RBFOX1: variants seen among roughly 807,000 people sequenced by gnomAD.
RBFOX1 encodes the protein RNA binding fox-1 homolog 1, also known as RNA binding protein fox-1 homolog 1.
RBFOX1 carries 8 observed loss-of-function variants against 57.7 expected under a neutral mutation model. That is an observed-to-expected ratio of 0.14 (90% CI 0.08 to 0.25). The LOEUF (loss-of-function observed/expected upper bound fraction) is 0.25, where lower values mean the gene tolerates loss of function less well. Among genes scored for constraint, RBFOX1 ranks in the 10% least tolerant of loss-of-function variants. The probability of loss-of-function intolerance (pLI) is 1.00; values close to 1 mark genes in which losing one functional copy is unlikely to be tolerated. For synonymous variants in RBFOX1, 326 were observed against 222.4 expected (o/e 1.47, Z -4.15); for missense variants, 611 against 548.5 (o/e 1.11, Z -1.14).
intron 3 of RBFOX1, among the ~76,000 whole-genome samples, chr16:5,645,989 C>T (rs1192963641): frequency 2.0e-5 from 3 of 152,084 alleles, no homozygotes; most frequent in African/African-American, 4.8e-5. Context: ...GCAAGTACTA[C>T]CGCACCTGGC....
chr16:6,914,790 AAAC>A (rs953010911), intron 3 of RBFOX1, among the ~76,000 whole-genome samples: 2 of 152,156 alleles, frequency 1.3e-5, no homozygotes, highest in African/African-American at 4.8e-5. Flanking sequence ...AAGGAGGCAG[AAAC>A]AACAAGATCG....
intron 14 of RBFOX1, among the ~76,000 whole-genome samples, chr16:7,679,685 A>G (rs1223116033): frequency 6.6e-6 from 1 of 152,014 alleles, no homozygotes; most frequent in African/African-American, 2.4e-5. Flanking sequence ...CAGTAACCTC[A>G]GGACTGTCCA....
At chr16:7,497,875 C>T (rs2069214651) in intron 4 of RBFOX1, among the ~76,000 whole-genome samples, 1 of 152,216 alleles carries the variant, frequency 6.6e-6, no homozygotes. Flanking sequence ...CAGCGAATGT[C>T]TGAGCTCTGT....
intron 2 of RBFOX1, among the ~76,000 whole-genome samples, chr16:6,654,096 A>C (rs1049420250): frequency 7.8e-6 from 1 of 128,610 alleles, no homozygotes; most frequent in Non-Finnish European, 1.8e-5. Flanking sequence ...ATCAATGGGC[A>C]TGGCTGTTTG....
At chr16:5,344,899 A>G (rs2065107552) in intron 1 of RBFOX1, among the ~76,000 whole-genome samples, 1 of 152,172 alleles carries the variant, frequency 6.6e-6, no homozygotes, top group Non-Finnish European at 1.5e-5. Flanking sequence ...CTCCAAATTC[A>G]TGTTTTTGCC....
At chr16:7,101,875 G>C (rs1225282672) in intron 4 of RBFOX1, among the ~76,000 whole-genome samples, 1 of 152,130 alleles carries the variant, frequency 6.6e-6, no homozygotes, top group Middle Eastern at 3.2e-3. Context: ...GGATTGTACA[G>C]TTGGTAAACT....
chr16:5,612,562 C>G (rs141724527), intron 3 of RBFOX1, among the ~76,000 whole-genome samples: 7 of 152,190 alleles, frequency 4.6e-5, no homozygotes, highest in Non-Finnish European at 7.3e-5. Flanking sequence ...ATAATAAAAC[C>G]GGGCATACAT....
chr16:6,859,135 ATATACGTATATATATATG>A (rs2058480774), intron 3 of RBFOX1, among the ~76,000 whole-genome samples: 3 of 102,756 alleles, frequency 2.9e-5, no homozygotes, highest in Non-Finnish European at 3.7e-5. Flanking sequence ...ATATACATAT[ATATACGTATATATATATG>A]TATATATATA....
At chr16:6,757,215 G>A (rs990202675) in intron 3 of RBFOX1, among the ~76,000 whole-genome samples, 3 of 152,074 alleles carry the variant, frequency 2.0e-5, no homozygotes, top group African/African-American at 7.2e-5. Context: ...AATTGGCACA[G>A]CTAATAGGGA....
chr16:5,796,282 T>C (rs2054874892), intron 3 of RBFOX1, among the ~76,000 whole-genome samples: 1 of 152,166 alleles, frequency 6.6e-6, no homozygotes, highest in Non-Finnish European at 1.5e-5. Context: ...ATCTGGAGCA[T>C]GGAAGAAGGA....
intron 4 of RBFOX1, among the ~76,000 whole-genome samples, chr16:7,142,570 G>C (rs1472700531): frequency 1.3e-5 from 2 of 152,118 alleles, no homozygotes; most frequent in Admixed American, 1.3e-4. Flanking sequence ...ATTGGGCTGT[G>C]CCTCAATATT....
chr16:6,862,701 T>G (rs2059226486), intron 3 of RBFOX1, among the ~76,000 whole-genome samples: 1 of 152,050 alleles, frequency 6.6e-6, no homozygotes, highest in Non-Finnish European at 1.5e-5. Context: ...CAGATGCTGT[T>G]TAAGAATTGT....
In RBFOX1 at chr16:7,654,063, C is replaced by T. The variant is rs545391977; in HGVS notation, c.890+116C>T. 1.7e-4 allele frequency: 195 copies of T among 1,135,966 alleles called. 1 individual carries two copies. The South Asian group carries it at 2.2e-3, about 13-fold the overall frequency. 70.4% of individuals were successfully genotyped at this position (1,135,966 alleles called of 1,614,324 possible). A position where few individuals can be genotyped will look rare whatever the true frequency, so the allele number is the denominator to read the frequency against. On this transcript the variant is annotated intron_variant, in intron 12 of 15. Coordinates refer to ENST00000550418, the MANE Select transcript of RBFOX1 (RefSeq NM_018723.4). ...ACTCCCCCTCCGCCACCCCCAGAAC[C>T]GCCCCCAGCATGCAGCCCGGCCGCG...
Position 5,920,630 on chromosome 16 carries a change from C to T in RBFOX1, c.351+53295C>T, listed in dbSNP as rs1436167252. Among the ~76,000 whole-genome samples, 9 of 152,170 alleles carry T rather than the reference C, an allele frequency of 5.9e-5. No homozygotes were observed. In the East Asian group the frequency reaches 1.2e-3, roughly 20 times the overall value. ...AGAGGAGGAAGCACCCTTCCAGGGACGGCCAAAAGACCTTGTCCAAAAGTG... is the reference window on the plus strand; with the variant it reads ...AGAGGAGGAAGCACCCTTCCAGGGATGGCCAAAAGACCTTGTCCAAAAGTG... On this transcript the variant is annotated intron_variant, in intron 4 of 19. Coordinates refer to the RBFOX1 transcript ENST00000641259.
chr16:7,392,326 A>G (rs74012540), intron 4 of RBFOX1, among the ~76,000 whole-genome samples: 2,404 of 152,264 alleles, frequency 0.016, 73 homozygotes, highest in African/African-American at 0.055. Flanking sequence ...TCCCAAAATT[A>G]TAATGAATAT....
At chr16:5,582,765 G>A (rs928563790) in intron 2 of RBFOX1, among the ~76,000 whole-genome samples, 20 of 151,910 alleles carry the variant, frequency 1.3e-4, no homozygotes, top group African/African-American at 4.4e-4. Flanking sequence ...GCCCTGCCTC[G>A]GATGACCCTG....
chr16:5,376,072 G>T (rs1941210445), intron 1 of RBFOX1, among the ~76,000 whole-genome samples: 1 of 152,008 alleles, frequency 6.6e-6, no homozygotes, highest in African/African-American at 2.4e-5. Context: ...GGAGGCTGAG[G>T]CAGGAGAATT....
intron 3 of RBFOX1, among the ~76,000 whole-genome samples, chr16:7,027,144 A>G (rs2041212875): frequency 6.6e-6 from 1 of 152,180 alleles, no homozygotes; most frequent in Non-Finnish European, 1.5e-5. Flanking sequence ...TGCTAAGAAC[A>G]GTCTACCCTC....
In RBFOX1 at chr16:5,742,204, C is replaced by T. The variant is rs965357450; in HGVS notation, c.319-125099C>T. Among the ~76,000 whole-genome samples, 10 of 149,114 alleles carry T rather than the reference C, an allele frequency of 6.7e-5. 1 individual carries two copies. The highest frequency in any genetic ancestry group is 1.4e-4 in the Admixed American group (2 of 14,748). The stretch of plus-strand genomic sequence containing the variant: ...CGTCCTTCCCTTCCTTCCTCCAGTC[C>T]TTCCTCCTTTCCTTCCTCCCTTCCT... On this transcript the variant is annotated intron_variant, in intron 3 of 19. Transcript: ENST00000641259.
Sources: gnomAD v4.1 joint callset for allele counts (sites outside exome capture counted in the v4.1 genomes callset) on GRCh38, gnomAD v4.1.1 for gene constraint, MANE v1.5 for transcripts, NCBI Gene and HGNC (gene_info 2026-07-23, HGNC 2026-07-21) for gene names.